RHBDD1: variants seen among roughly 807,000 people sequenced by gnomAD.
The protein encoded by RHBDD1 is rhomboid domain containing 1.
Under a neutral mutation model 36.3 loss-of-function variants are expected in RHBDD1, and 38 were observed. That is an observed-to-expected ratio of 1.05 (90% CI 0.81 to 1.37). The LOEUF (loss-of-function observed/expected upper bound fraction) is 1.37. RHBDD1 is among the 40% of genes most tolerant of loss of function. The probability of loss-of-function intolerance (pLI) is 0.00; values close to 1 mark genes in which losing one functional copy is unlikely to be tolerated. For synonymous variants in RHBDD1, 151 were observed against 136.5 expected (o/e 1.11, Z -0.74); for missense variants, 393 against 377.6 (o/e 1.04, Z -0.34).
At chr2:226,889,205 T>C (rs377531404) in intron 5 of RHBDD1, among the ~76,000 whole-genome samples, 3 of 152,328 alleles carry the variant, frequency 2.0e-5, no homozygotes, top group African/African-American at 7.2e-5. Flanking sequence ...GTTCTGCTTA[T>C]TCAGTCTGAA....
At chr2:226,847,329 T>C (rs1942330789) in intron 3 of RHBDD1, among the ~76,000 whole-genome samples, 1 of 152,242 alleles carries the variant, frequency 6.6e-6, no homozygotes, top group Non-Finnish European at 1.5e-5. Flanking sequence ...CTATTTTCTT[T>C]CTTTAAAATA....
the RHBDD1 span, among the ~76,000 whole-genome samples, chr2:226,801,178 G>T: frequency 6.6e-6 from 1 of 152,332 alleles, no homozygotes; most frequent in East Asian, 1.9e-4. Flanking sequence ...AGCAGTCGAG[G>T]CGCTGGGCAT....
intron 3 of RHBDD1, among the ~76,000 whole-genome samples, chr2:226,857,602 GAAAC>G (rs1203672162): frequency 1.3e-5 from 2 of 152,106 alleles, no homozygotes; most frequent in African/African-American, 4.8e-5. Context: ...ACCATAAAAA[GAAAC>G]AAAGTATCGA....
At chr2:226,979,373 T>C (rs1955199480) in intron 8 of RHBDD1, among the ~76,000 whole-genome samples, 1 of 152,190 alleles carries the variant, frequency 6.6e-6, no homozygotes, top group African/African-American at 2.4e-5. Flanking sequence ...CAAAGCAAGA[T>C]GGTTCCTGTT....
At chr2:226,927,974 A>G (rs1002350058) in intron 8 of RHBDD1, among the ~76,000 whole-genome samples, 4 of 152,096 alleles carry the variant, frequency 2.6e-5, no homozygotes, top group African/African-American at 9.7e-5. Context: ...CAATTTATCA[A>G]TGTGTCAAGC....
chr2:226,942,212 C>G (rs1412118577), intron 8 of RHBDD1, among the ~76,000 whole-genome samples: 2 of 149,982 alleles, frequency 1.3e-5, no homozygotes, highest in Non-Finnish European at 3.0e-5. Flanking sequence ...TGTTTGTATT[C>G]TTGGAGTTAG....
chr2:226,944,273 T>C (rs1428456022), intron 8 of RHBDD1, among the ~76,000 whole-genome samples: 3 of 152,210 alleles, frequency 2.0e-5, no homozygotes, highest in Non-Finnish European at 2.9e-5. Flanking sequence ...CTATTGTAGA[T>C]AGGATTTTTT....
chr2:226,855,415 GACC>G (rs1943226241), intron 3 of RHBDD1, among the ~76,000 whole-genome samples: 1 of 152,128 alleles, frequency 6.6e-6, no homozygotes, highest in African/African-American at 2.4e-5. Context: ...GCAGTGGGAG[GACC>G]ACTTGAGCCT....
chr2:226,927,966 A>G (rs550771863), intron 8 of RHBDD1, among the ~76,000 whole-genome samples: 14 of 152,192 alleles, frequency 9.2e-5, no homozygotes, highest in African/African-American at 2.9e-4. Flanking sequence ...ATGAAGCACA[A>G]TTTATCAATG....
At chr2:226,956,584 G>A (rs1023369307) in intron 8 of RHBDD1, among the ~76,000 whole-genome samples, 1 of 152,170 alleles carries the variant, frequency 6.6e-6, no homozygotes, top group Non-Finnish European at 1.5e-5. Flanking sequence ...TACATCTTTT[G>A]TACTCTGACA....
upstream of RHBDD1, among the ~76,000 whole-genome samples, chr2:226,833,909 C>A (rs1300904220): frequency 1.3e-5 from 2 of 152,120 alleles, no homozygotes; most frequent in Admixed American, 6.5e-5. Flanking sequence ...TTTTAAAAAA[C>A]CCAGTCTGCT....
chr2:226,800,885 G>A, the RHBDD1 span, among the ~76,000 whole-genome samples: 7 of 152,226 alleles, frequency 4.6e-5, no homozygotes, highest in Non-Finnish European at 1.0e-4. Context: ...GACCAGATCA[G>A]CAGCCTGGGT....
At chr2:226,824,122 A>C in the RHBDD1 span, among the ~76,000 whole-genome samples, 1 of 152,188 alleles carries the variant, frequency 6.6e-6, no homozygotes, top group Admixed American at 6.5e-5. Context: ...CCATATACAC[A>C]CATTATATAC....
intron 8 of RHBDD1, among the ~76,000 whole-genome samples, chr2:226,915,482 T>G (rs1017522698): frequency 6.6e-6 from 1 of 152,194 alleles, no homozygotes; most frequent in Non-Finnish European, 1.5e-5. Flanking sequence ...CCAGTAGAGC[T>G]CTGCATGGGA....
intron 5 of RHBDD1, among the ~76,000 whole-genome samples, chr2:226,887,349 T>C (rs1946312117): frequency 6.6e-6 from 1 of 152,244 alleles, no homozygotes; most frequent in Admixed American, 6.5e-5. Flanking sequence ...TTCAATGAGT[T>C]CTTACCCAGA....
At chr2:226,877,537 G>T (rs1945340548) in intron 5 of RHBDD1, among the ~76,000 whole-genome samples, 1 of 141,818 alleles carries the variant, frequency 7.1e-6, no homozygotes, top group African/African-American at 2.6e-5. Context: ...TTTAGAAAAT[G>T]TGAGCCATTT....
chr2:226,863,347 T>A (rs1377239205), intron 3 of RHBDD1, among the ~76,000 whole-genome samples: 1 of 152,178 alleles, frequency 6.6e-6, no homozygotes, highest in Admixed American at 6.5e-5. Context: ...TCTAAATAAA[T>A]AAATACATTC....
intron 8 of RHBDD1, among the ~76,000 whole-genome samples, chr2:226,928,134 C>T (rs934074477): frequency 1.3e-5 from 2 of 151,996 alleles, no homozygotes; most frequent in African/African-American, 4.8e-5. Flanking sequence ...GAGGTATGAA[C>T]CAAAGTTTGT....
upstream of RHBDD1, among the ~76,000 whole-genome samples, chr2:226,831,790 A>G (rs1213086009): frequency 6.6e-6 from 1 of 151,808 alleles, no homozygotes; most frequent in Non-Finnish European, 1.5e-5. Flanking sequence ...GTGTCTGTCT[A>G]GGAATTTGTC....
Sources: gnomAD v4.1 joint callset for allele counts (sites outside exome capture counted in the v4.1 genomes callset) on GRCh38, gnomAD v4.1.1 for gene constraint, MANE v1.5 for transcripts, NCBI Gene and HGNC (gene_info 2026-07-23, HGNC 2026-07-21) for gene names.